The following NXPE4 variants were observed in gnomAD, a reference collection of about 807,000 sequenced individuals.
NXPE4 encodes NXPE family member 4.
NXPE4 carries 42 observed loss-of-function variants against 33.3 expected under a neutral mutation model. That is an observed-to-expected ratio of 1.26 (90% CI 0.98 to 1.63). The LOEUF (loss-of-function observed/expected upper bound fraction) is 1.63. NXPE4 is among the 40% of genes most tolerant of loss of function. The probability of loss-of-function intolerance (pLI) is 0.00; values close to 1 mark genes in which losing one functional copy is unlikely to be tolerated. For missense variants in NXPE4, 709 were observed against 647.6 expected, an observed-to-expected ratio of 1.09 and a Z score of -1.03; for synonymous variants, 253 against 234.9, an observed-to-expected ratio of 1.08 and a Z score of -0.71.
At position 114,586,833 on chromosome 11, in the gene NXPE4, A is replaced by C. The variant is rs1186117687; in HGVS notation, c.97-3812T>G. 2.0e-5 allele frequency among the ~76,000 whole-genome samples: 3 copies of C among 152,184 alleles called. No individual in the cohort carries two copies. The East Asian group carries it at 5.8e-4, about 29-fold the overall frequency. On this transcript the variant is annotated intron_variant, in intron 2 of 5. Transcript: ENST00000375478. The stretch of plus-strand genomic sequence containing the variant: ...ATCCACTCTCTGTATGCAATGCTTT[A>C]AAAATTTTTACAGTTCGGTGAAGTA...
chr11:114,656,082 T>A, the NXPE4 span, among the ~76,000 whole-genome samples: 1 of 152,276 alleles, frequency 6.6e-6, no homozygotes, highest in Non-Finnish European at 1.5e-5. Context: ...CAGCAAAGTC[T>A]CAGGATACAA....
the NXPE4 span, among the ~76,000 whole-genome samples, chr11:114,638,635 G>A: frequency 6.6e-6 from 1 of 152,148 alleles, no homozygotes; most frequent in East Asian, 1.9e-4. Context: ...TGTACAGATA[G>A]GTTTTTGGTG....
the NXPE4 span, among the ~76,000 whole-genome samples, chr11:114,600,836 C>A: frequency 2.0e-5 from 3 of 151,924 alleles, no homozygotes; most frequent in Non-Finnish European, 4.4e-5. Context: ...ATATGAGAAT[C>A]CTCTATACTA....
the NXPE4 span, among the ~76,000 whole-genome samples, chr11:114,605,183 C>A: frequency 6.6e-6 from 1 of 151,786 alleles, no homozygotes; most frequent in Non-Finnish European, 1.5e-5. Context: ...TTGTGAGAAA[C>A]CACTCTTACC....
At chr11:114,621,672 T>G in the NXPE4 span, among the ~76,000 whole-genome samples, 1 of 152,186 alleles carries the variant, frequency 6.6e-6, no homozygotes, top group African/African-American at 2.4e-5. Flanking sequence ...CTGTGGATAA[T>G]AAGTGATGCC....
At chr11:114,584,114 G>A in intron 2 of NXPE4, 1 of 292,042 alleles carries the variant, frequency 3.4e-6, no homozygotes, top group Non-Finnish European at 6.7e-6. Flanking sequence ...TGTGGAATCT[G>A]TCAAGAGTGT....
chr11:114,588,938 A>C (rs1339453294), intron 2 of NXPE4, among the ~76,000 whole-genome samples: 1 of 152,112 alleles, frequency 6.6e-6, no homozygotes, highest in Non-Finnish European at 1.5e-5. Context: ...ATTTTGGAGA[A>C]CCTCCTGAGG....
chr11:114,622,605 G>A, the NXPE4 span, among the ~76,000 whole-genome samples: 3 of 151,820 alleles, frequency 2.0e-5, no homozygotes, highest in South Asian at 6.3e-4. Flanking sequence ...ATTACCTCGT[G>A]GGTAAACACT....
the NXPE4 span, among the ~76,000 whole-genome samples, chr11:114,661,866 C>T: frequency 6.6e-6 from 1 of 152,118 alleles, no homozygotes; most frequent in African/African-American, 2.4e-5. Context: ...TCTGTATATA[C>T]CCACATGTAT....
At chr11:114,648,072 G>A in the NXPE4 span, among the ~76,000 whole-genome samples, 1 of 152,124 alleles carries the variant, frequency 6.6e-6, no homozygotes, top group African/African-American at 2.4e-5. Flanking sequence ...CATATATTGA[G>A]TCTTTGCCCT....
At chr11:114,658,106 C>A in the NXPE4 span, among the ~76,000 whole-genome samples, 1 of 152,098 alleles carries the variant, frequency 6.6e-6, no homozygotes, top group Admixed American at 6.6e-5. Flanking sequence ...TCAATCCCGT[C>A]ATAAAAAAGA....
the NXPE4 span, among the ~76,000 whole-genome samples, chr11:114,616,427 TAA>T: frequency 1.3e-5 from 2 of 151,756 alleles, no homozygotes; most frequent in South Asian, 2.1e-4. Context: ...TGGTGAATAA[TAA>T]GTGTTGCCTC....
At chr11:114,612,786 T>C in the NXPE4 span, among the ~76,000 whole-genome samples, 3 of 151,984 alleles carry the variant, frequency 2.0e-5, 1 homozygote, top group African/African-American at 4.8e-5. Flanking sequence ...TGTTACCTGG[T>C]GGATAATAAG....
the NXPE4 span, among the ~76,000 whole-genome samples, chr11:114,602,814 C>T: frequency 7.2e-6 from 1 of 138,822 alleles, no homozygotes; most frequent in Non-Finnish European, 1.5e-5. Context: ...ATTACAGAAT[C>T]ATATATAATA....
At chr11:114,617,616 G>T in the NXPE4 span, among the ~76,000 whole-genome samples, 1 of 151,818 alleles carries the variant, frequency 6.6e-6, no homozygotes. Context: ...GTTGCCTTTA[G>T]GGTAACCACT....
At chr11:114,634,233 A>C in the NXPE4 span, among the ~76,000 whole-genome samples, 1 of 151,654 alleles carries the variant, frequency 6.6e-6, no homozygotes, top group Non-Finnish European at 1.5e-5. Context: ...GCATTTTTTC[A>C]TGTGTTTTTT....
chr11:114,582,564 C>T lies in NXPE4; in HGVS notation c.554G>A (p.Ser185Asn), dbSNP rs1326374226. 4.3e-6 allele frequency: 7 copies of T among 1,614,180 alleles called. No individual in the cohort carries two copies. The highest frequency in any genetic ancestry group is 1.1e-5 in the South Asian group (1 of 91,070). Residue 185 changes from serine to asparagine, a missense_variant, in exon 3 of 6, where the codon AGT (serine) becomes AAT (asparagine). Transcript: ENST00000375478. ...VSLSLLLIHP[S>N]EGVSALWSAR... ...ACTCCAGAGAGCTGACACCCCTTCA[C>T]TGGGGTGGATGAGCAGCAGAGACAG...
chr11:114,652,610 C>T, the NXPE4 span, among the ~76,000 whole-genome samples: 4 of 152,270 alleles, frequency 2.6e-5, no homozygotes, highest in African/African-American at 9.6e-5. Context: ...CTGTTATTGT[C>T]ATAATTGTCA....
Position 114,570,681 on chromosome 11 carries a change from C to A in NXPE4, c.*257G>T, listed in dbSNP as rs1418755963. ...CTTTTACCCATAGGTGTCTTGACTTCCCATTGGTGAAGAGGGGTATGGCTC... is the reference window on the plus strand; with the variant it reads ...CTTTTACCCATAGGTGTCTTGACTTACCATTGGTGAAGAGGGGTATGGCTC... On this transcript the variant is annotated 3_prime_UTR_variant, in exon 6 of 6. Transcript: ENST00000375478. 1.4e-5 allele frequency: 4 copies of A among 285,268 alleles called. No individual in the cohort carries two copies. The highest frequency in any genetic ancestry group is 2.6e-5 in the Non-Finnish European group (4 of 155,274). The allele number at this position is 285,268 out of a possible 1,614,324, so 17.7% of individuals were successfully genotyped here.
Sources: gnomAD v4.1 joint callset for allele counts (sites outside exome capture counted in the v4.1 genomes callset) on GRCh38, gnomAD v4.1.1 for gene constraint, MANE v1.5 for transcripts, NCBI Gene and HGNC (gene_info 2026-07-23, HGNC 2026-07-21) for gene names.